C8orf76: variants seen among roughly 807,000 people sequenced by gnomAD.
The protein encoded by C8orf76 is chromosome 8 open reading frame 76, also known as uncharacterized protein C8orf76.
C8orf76 carries 46 observed loss-of-function variants against 38.1 expected under a neutral mutation model. The ratio of observed to expected loss-of-function variants is 1.21; its 90% CI spans 0.95 to 1.54. The LOEUF is 1.54. Ranked by LOEUF, C8orf76 falls within the 40% of genes most tolerant of loss-of-function variation. The pLI is 0.00. For synonymous variants in C8orf76, 166 were observed against 167.5 expected (o/e 0.99, Z 0.07); for missense variants, 461 against 441.6 (o/e 1.04, Z -0.39).
intron 1 of C8orf76, among the ~76,000 whole-genome samples, chr8:123,240,281 C>T (rs1825637636): frequency 6.6e-6 from 1 of 152,092 alleles, no homozygotes; most frequent in African/African-American, 2.4e-5. Flanking sequence ...TGTTTTGAGT[C>T]TACATGATCC....
intron 4 of C8orf76, among the ~76,000 whole-genome samples, chr8:123,227,241 T>C (rs1825079016): frequency 6.6e-6 from 1 of 151,254 alleles, no homozygotes; most frequent in South Asian, 2.1e-4. Context: ...TCCTCCTGTC[T>C]TCCTCATTTG....
intron 5 of C8orf76, among the ~76,000 whole-genome samples, chr8:123,222,433 C>T (rs1440947137): frequency 2.6e-5 from 4 of 151,848 alleles, no homozygotes; most frequent in African/African-American, 9.7e-5. Flanking sequence ...ATAGTAAGAC[C>T]CAAACAACAC....
At position 123,228,411 on chromosome 8, in the gene C8orf76, G is replaced by A. The variant is rs1217657703; in HGVS notation, c.816-1779C>T. Among the ~76,000 whole-genome samples, 5 of 152,154 alleles carry A rather than the reference G, an allele frequency of 3.3e-5. No homozygotes were observed. In the South Asian group the frequency reaches 6.2e-4, roughly 19 times the overall value. On this transcript the variant is annotated intron_variant, in intron 4 of 5. Transcript: ENST00000276704. The stretch of plus-strand genomic sequence containing the variant: ...CGAGGCCAGTGGATCACCTGAGGTC[G>A]GGAATTCGAGACAGCCTGACCAACA...
chr8:123,226,239 G>C (rs1825039601), intron 5 of C8orf76: 1 of 1,320,952 alleles, frequency 7.6e-7, no homozygotes, highest in African/African-American at 1.5e-5. Flanking sequence ...ACAATTATTG[G>C]GCATTGATGA....
At chr8:123,231,249 C>T in intron 4 of C8orf76, 51 bp downstream of exon 4, 6 of 1,530,212 alleles carry the variant, frequency 3.9e-6, no homozygotes, top group Non-Finnish European at 4.4e-6. Flanking sequence ...GAAAATAAAG[C>T]CTTTACTCTG....
At chr8:123,235,605 A>T in intron 3 of C8orf76, among the ~76,000 whole-genome samples, 1 of 152,186 alleles carries the variant, frequency 6.6e-6, no homozygotes, top group East Asian at 1.9e-4. Context: ...AGTCCTGCCC[A>T]ACAGGTTGCC....
At chr8:123,228,419 G>A (rs147261592) in intron 4 of C8orf76, among the ~76,000 whole-genome samples, 1,536 of 152,212 alleles carry the variant, frequency 0.01, 24 homozygotes, top group African/African-American at 0.035. Flanking sequence ...TCGGGAATTC[G>A]AGACAGCCTG....
At chr8:123,238,898 C>T (rs1200436002) in intron 2 of C8orf76, 151 bp downstream of exon 2, 12 of 710,556 alleles carry the variant, frequency 1.7e-5, no homozygotes, top group African/African-American at 3.6e-5. Flanking sequence ...CAGAAAAGAA[C>T]GGAAACTTGG....
chr8:123,226,321 C>T (rs887130020), intron 5 of C8orf76, 179 bp downstream of exon 5: 19 of 1,450,804 alleles, frequency 1.3e-5, no homozygotes, highest in Middle Eastern at 4.9e-4. Flanking sequence ...CCGCACGCTG[C>T]AGGGGAATGC....
At chr8:123,240,542 C>A (rs1480578954) in intron 1 of C8orf76, among the ~76,000 whole-genome samples, 1 of 152,192 alleles carries the variant, frequency 6.6e-6, no homozygotes, top group Non-Finnish European at 1.5e-5. Flanking sequence ...TCTACTAATT[C>A]AAAAATATTC....
chr8:123,227,609 G>A (rs940390312), intron 4 of C8orf76, among the ~76,000 whole-genome samples: 2 of 152,164 alleles, frequency 1.3e-5, no homozygotes, highest in South Asian at 2.1e-4. Context: ...GAGAACATCT[G>A]GTGGCGAGGG....
At chr8:123,241,161 C>T (rs953685849) in intron 1 of C8orf76, 69 bp downstream of exon 1, 1 of 1,454,444 alleles carries the variant, frequency 6.9e-7, no homozygotes, top group East Asian at 2.8e-5. Context: ...GGGCCGAGGC[C>T]GGGGCCGGGG....
At position 123,220,310 on chromosome 8, in the gene C8orf76, G is replaced by GA. The variant is rs756729105; in HGVS notation, c.949-14dup. The stretch of plus-strand genomic sequence containing the variant: ...CTTCTCCCATAACCTATAACAGGAG[G>GA]AAAAAAAAAAACTGTCCCAATAAAA... On this transcript the variant is annotated splice_polypyrimidine_tract_variant and intron_variant, in intron 5 of 5. Transcript: ENST00000276704. The GA allele has an allele frequency of 0.079, 83,908 of 1,063,992 alleles. 2 individuals are homozygous for GA. The highest frequency in any genetic ancestry group is 0.11 in the South Asian group (5,797 of 54,732). The allele number at this position is 1,063,992 out of a possible 1,614,324, so 65.9% of individuals were successfully genotyped here.
At chr8:123,226,415 G>T in intron 5 of C8orf76, 85 bp downstream of exon 5, 1 of 1,563,092 alleles carries the variant, frequency 6.4e-7, no homozygotes, top group South Asian at 1.2e-5. Context: ...GATTAAATTT[G>T]GCCCTGCTTT....
chr8:123,227,255 CCTT>C (rs1825080424), intron 4 of C8orf76, among the ~76,000 whole-genome samples: 1 of 147,482 alleles, frequency 6.8e-6, no homozygotes, highest in South Asian at 2.1e-4. Flanking sequence ...TCATTTGGCT[CCTT>C]TTTTTTTTTT....
At chr8:123,233,283 T>C (rs1469934382) in intron 3 of C8orf76, among the ~76,000 whole-genome samples, 1 of 151,866 alleles carries the variant, frequency 6.6e-6, no homozygotes, top group African/African-American at 2.4e-5. Flanking sequence ...CCTCTGAAAG[T>C]GCTGGGCTTA....
chr8:123,224,718 T>C (rs1034420982), intron 5 of C8orf76, among the ~76,000 whole-genome samples: 2 of 152,230 alleles, frequency 1.3e-5, no homozygotes, highest in Non-Finnish European at 2.9e-5. Flanking sequence ...GTATATCACA[T>C]GCATTGTCTA....
rs11415976 is a variant in C8orf76 at position 123,235,403 on chromosome 8, C to CA, written c.357+2394dup. Among the ~76,000 whole-genome samples the CA allele has an allele frequency of 2.9e-3, 440 of 152,014 alleles. 3 individuals are homozygous for CA. Among genetic ancestry groups the CA allele is most frequent in the African/African-American group, 1.0e-2 (413 of 41,472 alleles). On this transcript the variant is annotated intron_variant, in intron 3 of 5. Transcript: ENST00000276704. Reference sequence around the variant, plus strand: ...TGTGAAAAGACAGTAACCACCGTCACAAAAAAACAGATATGGGCCAGAGCT... The same window carrying CA: ...TGTGAAAAGACAGTAACCACCGTCACAAAAAAAACAGATATGGGCCAGAGCT...
intron 3 of C8orf76, 42 bp from the exon 4 acceptor site, chr8:123,231,799 G>A (rs1345719573): frequency 1.8e-5 from 27 of 1,517,434 alleles, no homozygotes; most frequent in Non-Finnish European, 2.3e-5. Flanking sequence ...AAACTTCAAA[G>A]CATTTTCCAT....
Sources: gnomAD v4.1 joint callset for allele counts (sites outside exome capture counted in the v4.1 genomes callset) on GRCh38, gnomAD v4.1.1 for gene constraint, MANE v1.5 for transcripts, NCBI Gene and HGNC (gene_info 2026-07-23, HGNC 2026-07-21) for gene names.